LRP2: variants seen among roughly 807,000 people sequenced by gnomAD.
The protein encoded by LRP2 is low-density lipoprotein receptor-related protein 2.
LRP2 carries 172 observed loss-of-function variants against 531.0 expected under a neutral mutation model. That is an observed-to-expected ratio of 0.32 (90% confidence interval 0.29 to 0.37). The LOEUF (loss-of-function observed/expected upper bound fraction) is 0.37, where lower values mean the gene tolerates loss of function less well. LRP2 is among the 10% of genes least tolerant of loss of function. The probability of loss-of-function intolerance (pLI) is 1.00; values close to 1 mark genes in which losing one functional copy is unlikely to be tolerated. For synonymous variants in LRP2, 1,992 were observed against 2,027.6 expected, an observed-to-expected ratio of 0.98 and a Z score of 0.47; for missense variants, 5,167 against 5,868.3, an observed-to-expected ratio of 0.88 and a Z score of 3.90.
intron 16 of LRP2, among the ~76,000 whole-genome samples, chr2:169,260,550 G>C (rs1205374152): frequency 1.3e-5 from 2 of 152,046 alleles, no homozygotes; most frequent in Non-Finnish European, 2.9e-5. Context: ...GGTGATTGTA[G>C]GATATCCAGG....
intron 16 of LRP2, among the ~76,000 whole-genome samples, chr2:169,266,698 C>A (rs1683194000): frequency 6.6e-6 from 1 of 152,028 alleles, no homozygotes; most frequent in African/African-American, 2.4e-5. Flanking sequence ...ATTACTATTA[C>A]AAACCAAACC....
At chr2:169,263,103 C>T (rs13002323) in intron 16 of LRP2, among the ~76,000 whole-genome samples, 7,678 of 152,122 alleles carry the variant, frequency 0.05, 185 homozygotes, top group Non-Finnish European at 0.057. Flanking sequence ...TTCAAGATGG[C>T]TTAAAGACTT....
At chr2:169,262,060 A>G (rs1194581728) in intron 16 of LRP2, among the ~76,000 whole-genome samples, 1 of 151,802 alleles carries the variant, frequency 6.6e-6, no homozygotes, top group Non-Finnish European at 1.5e-5. Context: ...CATGCTAAAA[A>G]CTCTCAATAA....
Position 169,292,360 on chromosome 2 carries a change from G to T in LRP2, c.662C>A (p.Thr221Asn). 1 of 1,611,008 alleles carries T rather than the reference G, an allele frequency of 6.2e-7. No individual in the cohort carries two copies. The highest frequency in any genetic ancestry group is 8.5e-7 in the Non-Finnish European group (1 of 1,177,238). ...GSDEHACNYP[T>N]CGGYQFTCPS... Reference sequence around the variant, plus strand: ...GCAAGTGAACTGGTAACCACCGCAGGTCGGATAGTCTGGAATAAAGCAACA... The same window carrying T: ...GCAAGTGAACTGGTAACCACCGCAGTTCGGATAGTCTGGAATAAAGCAACA... Residue 221 changes from threonine to asparagine, a missense_variant, in exon 7 of 79, where the codon ACC becomes AAC. By Grantham distance (65) the Thr-to-Asn change is moderately conservative (BLOSUM62 0). Transcript: ENST00000649046.
chr2:169,211,977 C>T lies in LRP2; in HGVS notation c.6271G>A (p.Ala2091Thr). Residue 2091 changes from alanine (A) to threonine (T), a missense_variant, in exon 37 of 79, where the codon GCA becomes ACA. Physicochemically the swap from Ala to Thr is moderately conservative, Grantham distance 58. This residue lies in a region of LRP2 where 2,811 missense variants were observed against 3,058.0 expected (regional missense o/e 0.92). Coordinates refer to ENST00000649046, the MANE Select transcript of LRP2 (RefSeq NM_004525.3). ...ATTGGAGTTGGCATACCTTGGCCTG[C>T]CACCGGCACCATGGTTTCTGAATGA... ...SDHSETMVPV[A>T]GQGRNALHVD... 1.2e-6 allele frequency: 2 copies of T among 1,613,942 alleles called. No homozygotes were observed. The highest frequency in any genetic ancestry group is 1.7e-6 in the Non-Finnish European group (2 of 1,179,860).
chr2:169,231,416 G>A (rs1429417814), intron 31 of LRP2, among the ~76,000 whole-genome samples: 1 of 152,084 alleles, frequency 6.6e-6, no homozygotes, highest in Non-Finnish European at 1.5e-5. Context: ...TGAAGAATTT[G>A]GAACTTCCCA....
chr2:169,279,330 A>G, intron 12 of LRP2, 42 bp downstream of exon 12: 3 of 1,463,664 alleles, frequency 2.0e-6, no homozygotes, highest in Non-Finnish European at 2.9e-6. Flanking sequence ...GAGAGAGAAA[A>G]TTCTAAAAAT....
rs542875349 is a variant in LRP2, at chr2:169,186,669, C to T, written c.9329-650G>A. ...GTTCACTGTGCACCCCCAAACAATT[C>T]GTTTCCCATCTATGGGCTACAGTCT... On this transcript the variant is annotated intron_variant, in intron 49 of 78. Coordinates refer to ENST00000649046, the MANE Select transcript of LRP2 (RefSeq NM_004525.3). Among the ~76,000 whole-genome samples, 22 of 152,318 alleles carry T rather than the reference C, an allele frequency of 1.4e-4. No individual in the cohort carries two copies. In the East Asian group the frequency reaches 2.9e-3, roughly 20 times the overall value.
At chr2:169,248,054 AG>A (rs1310926314) in intron 19 of LRP2, among the ~76,000 whole-genome samples, 4 of 152,222 alleles carry the variant, frequency 2.6e-5, no homozygotes, top group Non-Finnish European at 4.4e-5. Context: ...GTACAGGTCT[AG>A]CCCAAAAAAG....
chr2:169,174,236 A>G, intron 55 of LRP2, 72 bp from the exon 56 acceptor site: 1 of 1,583,708 alleles, frequency 6.3e-7, no homozygotes, highest in South Asian at 1.1e-5. Flanking sequence ...ACATCAGTGA[A>G]TCCTGGATAG....
rs115150956 is a variant in LRP2 at position 169,235,546 on chromosome 2, A to G, written c.4920+294T>C. On this transcript the variant is annotated intron_variant, in intron 29 of 78. Transcript: ENST00000649046. ...GAGCCACCGCGCCCGGCCACCTGAC[A>G]CAATTTTTAAAGGTATAGAAGCAAC... Among the ~76,000 whole-genome samples the G allele has an allele frequency of 7.0e-3, 1,072 of 152,264 alleles. 7 individuals carry two copies. Among genetic ancestry groups the G allele is most frequent in the Middle Eastern group, 0.041 (12 of 294 alleles).
At chr2:169,210,902 C>T (rs999251481) in intron 37 of LRP2, among the ~76,000 whole-genome samples, 3 of 152,284 alleles carry the variant, frequency 2.0e-5, no homozygotes, top group African/African-American at 7.2e-5. Context: ...CACACACACA[C>T]ATACAAATTG....
At chr2:169,344,902 C>T (rs1328167950) in intron 1 of LRP2, among the ~76,000 whole-genome samples, 1 of 152,016 alleles carries the variant, frequency 6.6e-6, no homozygotes, top group African/African-American at 2.4e-5. Flanking sequence ...CTAAAACTGG[C>T]TTATGATTAA....
intron 71 of LRP2, among the ~76,000 whole-genome samples, chr2:169,142,331 G>A (rs974253947): frequency 1.3e-5 from 2 of 152,166 alleles, no homozygotes; most frequent in African/African-American, 4.8e-5. Flanking sequence ...TACAATTAAG[G>A]TTGAGTGGAT....
intron 1 of LRP2, among the ~76,000 whole-genome samples, chr2:169,357,303 T>A (rs1055259933): frequency 1.6e-5 from 1 of 61,196 alleles, no homozygotes; most frequent in African/African-American, 4.6e-5. Flanking sequence ...TATTTTATTT[T>A]ATTTTATTTT....
At chr2:169,320,590 T>C (rs1684884190) in intron 2 of LRP2, among the ~76,000 whole-genome samples, 187 bp downstream of exon 2, 1 of 152,186 alleles carries the variant, frequency 6.6e-6, no homozygotes, top group South Asian at 2.1e-4. Context: ...AACCCCTACC[T>C]CAGAAGGGAG....
chr2:169,346,183 T>C (rs1685692882), intron 1 of LRP2, among the ~76,000 whole-genome samples: 1 of 152,238 alleles, frequency 6.6e-6, no homozygotes, highest in Admixed American at 6.5e-5. Context: ...TTCAATACAA[T>C]ATGATCCTTC....
intron 4 of LRP2, among the ~76,000 whole-genome samples, chr2:169,302,611 G>A (rs895115771): frequency 1.3e-5 from 2 of 152,160 alleles, no homozygotes; most frequent in Non-Finnish European, 2.9e-5. Flanking sequence ...TAGTGTGAAG[G>A]TCGAGAAACC....
intron 16 of LRP2, among the ~76,000 whole-genome samples, chr2:169,261,561 A>G (rs1690554433): frequency 1.3e-5 from 2 of 151,978 alleles, no homozygotes; most frequent in African/African-American, 2.4e-5. Context: ...TCCCTCAACA[A>G]AGCATACAGA....
Sources: gnomAD v4.1 joint callset for allele counts (sites outside exome capture counted in the v4.1 genomes callset) on GRCh38, gnomAD v4.1.1 for gene constraint, gnomAD v4.1.1 regional missense constraint, MANE v1.5 for transcripts, NCBI Gene and HGNC (gene_info 2026-07-23, HGNC 2026-07-21) for gene names.